DNAJC3: variants seen among roughly 807,000 people sequenced by gnomAD.
DNAJC3 encodes the protein DnaJ heat shock protein family (Hsp40) member C3.
In DNAJC3, 38 loss-of-function variants were observed where a neutral mutation model predicts 68.6. The ratio of observed to expected loss-of-function variants is 0.55; its 90% CI spans 0.43 to 0.73. DNAJC3 has a LOEUF of 0.73. DNAJC3 is among the 30% of genes least tolerant of loss of function. The pLI is 0.00. For synonymous variants in DNAJC3, 203 were observed against 204.0 expected (o/e 1.00, Z 0.04); for missense variants, 526 against 591.9 (o/e 0.89, Z 1.16).
intron 2 of DNAJC3, among the ~76,000 whole-genome samples, chr13:95,717,243 A>G (rs1013221243): frequency 2.6e-5 from 4 of 152,162 alleles, no homozygotes; most frequent in Non-Finnish European, 2.9e-5. Context: ...AACTAGCACA[A>G]CCCTTACATA....
At chr13:95,767,602 G>T (rs1883026432) in intron 9 of DNAJC3, among the ~76,000 whole-genome samples, 1 of 151,284 alleles carries the variant, frequency 6.6e-6, no homozygotes, top group Admixed American at 6.6e-5. Flanking sequence ...CTCCACACTG[G>T]TTTTTGTCAT....
rs1464146702 is a variant in DNAJC3, at chr13:95,764,365, CTCTCTCTCTCTA to C, written c.1075+414_1075+425del. On this transcript the variant is annotated intron_variant, in intron 9 of 11. Transcript: ENST00000602402. Reference sequence around the variant, plus strand: ...ATACATATTCTCTCTCTCTCTCTCTCTCTCTCTCTCTATATATATATATATATATACTCGGTG... The same window carrying C: ...ATACATATTCTCTCTCTCTCTCTCTCTATATATATATATATATACTCGGTG... Among the ~76,000 whole-genome samples the C allele has an allele frequency of 8.4e-3, 1,195 of 142,202 alleles. 15 individuals carry two copies. Among genetic ancestry groups the C allele is most frequent in the African/African-American group, 0.032 (1,130 of 34,916 alleles). 93.3% of individuals were successfully genotyped at this position (142,202 alleles called of 152,430 possible).
At chr13:95,725,089 ATTTG>A in intron 3 of DNAJC3, 85 bp from the exon 4 acceptor site, 4 of 806,868 alleles carry the variant, frequency 5.0e-6, no homozygotes, top group South Asian at 3.8e-5. Flanking sequence ...TTTATTAATA[ATTTG>A]TTTATTTAGT....
chr13:95,725,328 A>C (rs1881473761), intron 4 of DNAJC3, 76 bp downstream of exon 4: 1 of 1,063,440 alleles, frequency 9.4e-7, no homozygotes, highest in Non-Finnish European at 1.3e-6. Flanking sequence ...ATATTATGAC[A>C]GTTAATAGTA....
rs3051424 is a variant in DNAJC3 at position 95,764,347 on chromosome 13, T to TTC, written c.1075+422_1075+423dup. Reference sequence around the variant, plus strand: ...TCTATATTTTATGCACATATACATATTCTCTCTCTCTCTCTCTCTCTCTCT... The same window carrying TTC: ...TCTATATTTTATGCACATATACATATTCTCTCTCTCTCTCTCTCTCTCTCTCT... On this transcript the variant is annotated intron_variant, in intron 9 of 11. Transcript: ENST00000602402. Among the ~76,000 whole-genome samples, 567 of 130,016 alleles carry TTC rather than the reference T, an allele frequency of 4.4e-3. 4 individuals are homozygous for TTC. The highest frequency in any genetic ancestry group is 0.018 in the East Asian group (80 of 4,390). The allele number at this position is 130,016 out of a possible 152,430, so 85.3% of individuals were successfully genotyped here.
intron 3 of DNAJC3, 51 bp from the exon 4 acceptor site, chr13:95,725,127 A>G: frequency 7.8e-7 from 1 of 1,284,296 alleles, no homozygotes; most frequent in Non-Finnish European, 1.1e-6. Context: ...TTTAAAAAAG[A>G]TTTAGAAATC....
chr13:95,726,296 G>A (rs1881518340), intron 4 of DNAJC3, among the ~76,000 whole-genome samples: 1 of 152,182 alleles, frequency 6.6e-6, no homozygotes, highest in Non-Finnish European at 1.5e-5. Flanking sequence ...CACCAACAGT[G>A]TAAAAGTGTT....
intron 9 of DNAJC3, among the ~76,000 whole-genome samples, chr13:95,781,736 G>A (rs1270602519): frequency 6.6e-6 from 1 of 151,864 alleles, no homozygotes; most frequent in Non-Finnish European, 1.5e-5. Flanking sequence ...ATCTAGGGCT[G>A]ATATATGTCT....
intron 4 of DNAJC3, among the ~76,000 whole-genome samples, chr13:95,733,362 C>G (rs1193628565): frequency 6.6e-6 from 1 of 152,074 alleles, no homozygotes; most frequent in Non-Finnish European, 1.5e-5. Flanking sequence ...TCTTGCTGAA[C>G]TGATCCGTTT....
chr13:95,684,190 T>C (rs1880007001), intron 1 of DNAJC3, among the ~76,000 whole-genome samples: 1 of 152,082 alleles, frequency 6.6e-6, no homozygotes, highest in Non-Finnish European at 1.5e-5. Context: ...ATGCTGATAG[T>C]GGTATAGACA....
At chr13:95,719,366 A>C (rs920496008) in intron 2 of DNAJC3, among the ~76,000 whole-genome samples, 1 of 152,126 alleles carries the variant, frequency 6.6e-6, no homozygotes, top group African/African-American at 2.4e-5. Context: ...TTGGTAACCA[A>C]CTCAACCTTC....
intron 4 of DNAJC3, among the ~76,000 whole-genome samples, chr13:95,729,882 C>T (rs1375462884): frequency 6.6e-6 from 1 of 152,034 alleles, no homozygotes; most frequent in Admixed American, 6.6e-5. Flanking sequence ...TCTTTCAGTT[C>T]CTTGTATATT....
chr13:95,752,958 A>C (rs1283471592), intron 4 of DNAJC3, among the ~76,000 whole-genome samples: 1 of 152,206 alleles, frequency 6.6e-6, no homozygotes, highest in African/African-American at 2.4e-5. Context: ...CTTCTTCAAC[A>C]CTTCATGTGA....
chr13:95,712,369 T>C (rs963278660), intron 2 of DNAJC3, among the ~76,000 whole-genome samples: 1 of 120,748 alleles, frequency 8.3e-6, no homozygotes. Context: ...AGCCAATGCT[T>C]TTTTCTTTTT....
chr13:95,789,807 C>T (rs1883711318), intron 11 of DNAJC3, among the ~76,000 whole-genome samples: 1 of 152,128 alleles, frequency 6.6e-6, no homozygotes, highest in Non-Finnish European at 1.5e-5. Context: ...TTGGCAGCAT[C>T]TATTTTTTTT....
chr13:95,705,886 C>T (rs751894981), intron 1 of DNAJC3, among the ~76,000 whole-genome samples: 1 of 152,110 alleles, frequency 6.6e-6, no homozygotes, highest in Non-Finnish European at 1.5e-5. Context: ...TTTCTAGGCC[C>T]TCTCATGGAC....
chr13:95,714,960 A>G (rs922791119), intron 2 of DNAJC3, among the ~76,000 whole-genome samples: 4 of 152,006 alleles, frequency 2.6e-5, no homozygotes, highest in Non-Finnish European at 5.9e-5. Flanking sequence ...ACTTTTTGAG[A>G]CAGCTCTTTC....
intron 3 of DNAJC3, among the ~76,000 whole-genome samples, chr13:95,723,634 G>A (rs1881415830): frequency 6.6e-6 from 1 of 152,288 alleles, no homozygotes; most frequent in East Asian, 1.9e-4. Context: ...TCTGTGTGGA[G>A]GCTGGAGTGT....
intron 4 of DNAJC3, among the ~76,000 whole-genome samples, chr13:95,740,105 C>T (rs1268892324): frequency 6.6e-6 from 1 of 152,124 alleles, no homozygotes; most frequent in African/African-American, 2.4e-5. Flanking sequence ...CTGGGGGGTG[C>T]CTCCCAGTTA....
Sources: allele counts gnomAD v4.1 joint callset (sites outside exome capture counted in the v4.1 genomes callset), GRCh38; gene constraint gnomAD v4.1.1; transcripts MANE v1.5; gene names NCBI Gene and HGNC (gene_info 2026-07-23, HGNC 2026-07-21).